C1orf146: variants seen among roughly 807,000 people sequenced by gnomAD.
The protein encoded by C1orf146 is protein SPO16 homolog.
C1orf146 carries 22 observed loss-of-function variants against 23.0 expected under a neutral mutation model. That is an observed-to-expected ratio of 0.96 (90% confidence interval 0.68 to 1.36). C1orf146 has a LOEUF of 1.36. C1orf146 is among the 40% of genes most tolerant of loss of function. C1orf146 has a pLI of 0.00. For missense variants in C1orf146, 199 were observed against 206.8 expected (o/e 0.96, Z 0.23); for synonymous variants, 59 against 65.3 (o/e 0.90, Z 0.47).
chr1:92,232,314 G>A (rs905263950), intron 2 of C1orf146, among the ~76,000 whole-genome samples: 1 of 134,198 alleles, frequency 7.5e-6, no homozygotes, highest in Non-Finnish European at 1.5e-5. Flanking sequence ...CTGCGTCCAT[G>A]TGTTCTCATT....
chr1:92,222,806 T>A (rs1302586707), intron 1 of C1orf146, among the ~76,000 whole-genome samples: 1 of 152,028 alleles, frequency 6.6e-6, no homozygotes, highest in Non-Finnish European at 1.5e-5. Flanking sequence ...CAGGATGGTC[T>A]TAATCTCCTG....
At chr1:92,236,227 G>T (rs1231851536) in intron 2 of C1orf146, among the ~76,000 whole-genome samples, 1 of 152,048 alleles carries the variant, frequency 6.6e-6, no homozygotes, top group South Asian at 2.1e-4. Context: ...ATTTTGGCAT[G>T]ATTTTGCAGC....
intron 4 of C1orf146, 140 bp downstream of exon 4, chr1:92,244,525 A>G (rs1045400612): frequency 6.8e-6 from 5 of 734,626 alleles, no homozygotes; most frequent in African/African-American, 1.8e-5. Flanking sequence ...CATGGGCCAA[A>G]TAGCTATTCT....
chr1:92,222,209 C>T (rs1025639943), intron 1 of C1orf146, among the ~76,000 whole-genome samples: 3 of 152,136 alleles, frequency 2.0e-5, no homozygotes, highest in Non-Finnish European at 4.4e-5. Context: ...CCACTGCACT[C>T]CAGCCATAGT....
intron 2 of C1orf146, among the ~76,000 whole-genome samples, 166 bp downstream of exon 2, chr1:92,231,652 T>C (rs1652123075): frequency 6.6e-6 from 1 of 152,150 alleles, no homozygotes; most frequent in Non-Finnish European, 1.5e-5. Flanking sequence ...ATAGACTTTT[T>C]CCATTCATTT....
chr1:92,240,897 T>C (rs1357492495), intron 2 of C1orf146: 1 of 463,674 alleles, frequency 2.2e-6, no homozygotes, highest in Non-Finnish European at 4.5e-6. Flanking sequence ...TATGATTTAA[T>C]TGCCTGGGTG....
At chr1:92,233,107 A>G (rs1652175492) in intron 2 of C1orf146, among the ~76,000 whole-genome samples, 1 of 151,986 alleles carries the variant, frequency 6.6e-6, no homozygotes, top group Non-Finnish European at 1.5e-5. Context: ...GAAGCTCTTT[A>G]GTTTAATTAG....
intron 1 of C1orf146, among the ~76,000 whole-genome samples, chr1:92,218,275 T>C (rs578239239): frequency 6.6e-6 from 1 of 152,108 alleles, no homozygotes; most frequent in South Asian, 2.1e-4. Flanking sequence ...GTCACCCACC[T>C]GCGAGTGTAA....
intron 1 of C1orf146, among the ~76,000 whole-genome samples, chr1:92,224,011 ATTTT>A (rs1383974492): frequency 7.2e-5 from 10 of 138,186 alleles, no homozygotes; most frequent in Admixed American, 1.5e-4. Context: ...TTGTTGTTTT[ATTTT>A]ATTTATTTAT....
intron 1 of C1orf146, among the ~76,000 whole-genome samples, chr1:92,226,418 C>T (rs74102870): frequency 0.024 from 3,569 of 149,626 alleles, 84 homozygotes; most frequent in African/African-American, 0.068. Context: ...CACACACATA[C>T]ACACACACAC....
At chr1:92,245,458 GAA>G in intron 5 of C1orf146, 80 bp from the exon 6 acceptor site, 2 of 1,078,474 alleles carry the variant, frequency 1.9e-6, no homozygotes, top group Non-Finnish European at 2.7e-6. Flanking sequence ...CTGAAAGAAT[GAA>G]AGTCAGGTAT....
At chr1:92,225,723 T>C (rs1008783788) in intron 1 of C1orf146, among the ~76,000 whole-genome samples, 2 of 152,210 alleles carry the variant, frequency 1.3e-5, no homozygotes, top group African/African-American at 4.8e-5. Context: ...AGGATATACA[T>C]TGTTATATAT....
At chr1:92,230,625 A>G (rs2100735436) in intron 1 of C1orf146, among the ~76,000 whole-genome samples, 1 of 151,906 alleles carries the variant, frequency 6.6e-6, no homozygotes, top group East Asian at 1.9e-4. Context: ...CAAAAAAAAA[A>G]AAAAATCAGC....
intron 1 of C1orf146, among the ~76,000 whole-genome samples, chr1:92,222,680 G>A (rs1450993339): frequency 1.3e-5 from 2 of 150,110 alleles, no homozygotes; most frequent in African/African-American, 4.9e-5. Context: ...TCTGCCTCCC[G>A]GGTTCATGCC....
At chr1:92,232,099 C>A (rs1652138014) in intron 2 of C1orf146, among the ~76,000 whole-genome samples, 1 of 151,932 alleles carries the variant, frequency 6.6e-6, no homozygotes, top group African/African-American at 2.4e-5. Flanking sequence ...AGTCCATTTT[C>A]ATAAATTATA....
At chr1:92,235,939 C>G (rs2100742100) in intron 2 of C1orf146, among the ~76,000 whole-genome samples, 1 of 151,776 alleles carries the variant, frequency 6.6e-6, no homozygotes, top group South Asian at 2.1e-4. Context: ...CAACCCCTGC[C>G]TTTTTTTGTT....
At chr1:92,242,136 CTTTTAA>C (rs1043154464) in intron 2 of C1orf146, 70 bp from the exon 3 acceptor site, 6 of 688,576 alleles carry the variant, frequency 8.7e-6, no homozygotes, top group Non-Finnish European at 1.4e-5. Context: ...ACATATTAAA[CTTTTAA>C]TTTTTTCTTT....
At chr1:92,245,233 C>A (rs1010275334) in intron 5 of C1orf146, among the ~76,000 whole-genome samples, 7 of 152,100 alleles carry the variant, frequency 4.6e-5, no homozygotes, top group African/African-American at 1.4e-4. Flanking sequence ...GCTTTTTGTC[C>A]TCTGCAAAGT....
At chr1:92,234,358 T>A (rs370282916) in intron 2 of C1orf146, among the ~76,000 whole-genome samples, 5 of 143,236 alleles carry the variant, frequency 3.5e-5, no homozygotes, top group African/African-American at 1.0e-4. Context: ...TTCTGCATCT[T>A]TTGAGATAAT....
Sources: gnomAD v4.1 joint callset for allele counts (sites outside exome capture counted in the v4.1 genomes callset) on GRCh38, gnomAD v4.1.1 for gene constraint, MANE v1.5 for transcripts, NCBI Gene and HGNC (gene_info 2026-07-23, HGNC 2026-07-21) for gene names.